Variants in SSBP4 observed in about 807,000 individuals in gnomAD.
The protein encoded by SSBP4 is single stranded DNA binding protein 4.
A neutral mutation model predicts 64.6 loss-of-function variants in SSBP4; 33 were observed. That is an observed-to-expected ratio of 0.51 (90% CI 0.39 to 0.68). The LOEUF is 0.68. Among genes scored for constraint, SSBP4 ranks in the 30% least tolerant of loss-of-function variants. The probability of loss-of-function intolerance (pLI) is 0.00; values close to 1 mark genes in which losing one functional copy is unlikely to be tolerated. For missense variants in SSBP4, 583 were observed against 566.8 expected (o/e 1.03, Z -0.29); for synonymous variants, 243 against 224.0 (o/e 1.08, Z -0.76).
intron 1 of SSBP4, among the ~76,000 whole-genome samples, chr19:18,421,226 G>A (rs1271469718): frequency 6.6e-6 from 1 of 152,250 alleles, no homozygotes; most frequent in Non-Finnish European, 1.5e-5. Context: ...CTAGAAGGTG[G>A]TAGGCAAATG....
upstream of SSBP4, chr19:18,419,347 G>C: frequency 9.8e-7 from 1 of 1,018,248 alleles, no homozygotes; most frequent in Non-Finnish European, 1.2e-6. Flanking sequence ...GCCCGCGGGC[G>C]GCGTAGAGGC....
chr19:18,433,392 C>A, intron 15 of SSBP4, 179 bp downstream of exon 15: 1 of 1,268,954 alleles, frequency 7.9e-7, no homozygotes, highest in Non-Finnish European at 1.1e-6. Flanking sequence ...GCGACCAAAC[C>A]AGAGGATGCA....
Position 18,427,242 on chromosome 19 carries a change from G to C in SSBP4, c.60-109G>C. On this transcript the variant is annotated intron_variant, in intron 1 of 17. Coordinates refer to ENST00000270061, the MANE Select transcript of SSBP4 (RefSeq NM_032627.5). The surrounding 1 kb of genome is among the most constrained non-coding windows in gnomAD (Gnocchi z 4.4). ...AACTATGAGCTGTCCCTGCTGAGCA[G>C]CTGGTGGGGAGGCCACCTTTCCACC... The C allele has an allele frequency of 9.1e-7, 1 of 1,100,794 alleles. No individual in the cohort carries two copies. 68.2% of individuals were successfully genotyped at this position (1,100,794 alleles called of 1,614,324 possible).
At chr19:18,404,028 CAGAG>C in the SSBP4 span, among the ~76,000 whole-genome samples, 2 of 151,728 alleles carry the variant, frequency 1.3e-5, no homozygotes, top group Non-Finnish European at 2.9e-5. Context: ...TGGCCCCAGA[CAGAG>C]AGACACCAGC....
rs150017206 is a variant in SSBP4, at chr19:18,427,387, C to T, written c.96C>T (p.Ile32=). Residue 32 remains isoleucine (I), a synonymous_variant, in exon 2 of 18, where the codon ATC becomes ATT. Transcript: ENST00000270061. This position sits in a 1 kb window ranked among gnomAD's most constrained non-coding sequence, Gnocchi z 4.4. ...ALYVYEYLLH[I]GAQKSAQTFL... is the part of the protein sequence containing the mutation. ...ACGTTTATGAGTACCTGCTGCACAT[C>T]GGTGCCCAGAAGTCAGCCCAGACCT... is the stretch of plus-strand genomic sequence containing the variant. The T allele has an allele frequency of 1.4e-5, 22 of 1,610,866 alleles. No homozygotes were observed. In the African/African-American group the frequency reaches 1.5e-4, roughly 11 times the overall value.
chr19:18,412,263 C>G, the SSBP4 span, among the ~76,000 whole-genome samples: 2 of 151,790 alleles, frequency 1.3e-5, no homozygotes, highest in Non-Finnish European at 2.9e-5. Context: ...GAGGTCAAGA[C>G]CAGCCTGGCC....
rs1440993323 is a variant in SSBP4, at chr19:18,434,383, CGAAA to C, written c.*140_*143del. 6.3e-6 allele frequency: 9 copies of C among 1,419,740 alleles called. No individual in the cohort carries two copies. The highest frequency in any genetic ancestry group is 8.3e-6 in the Non-Finnish European group (9 of 1,078,252). 87.9% of individuals were successfully genotyped at this position (1,419,740 alleles called of 1,614,324 possible). On this transcript the variant is annotated 3_prime_UTR_variant, in exon 18 of 18. Transcript: ENST00000270061. The stretch of plus-strand genomic sequence containing the variant: ...GCTTGCCCAGCTGGGAGGCCCCACA[CGAAA>C]GACTCTTACCATTTTATTAAAAACG...
At chr19:18,407,517 C>T in the SSBP4 span, among the ~76,000 whole-genome samples, 4 of 151,988 alleles carry the variant, frequency 2.6e-5, no homozygotes, top group African/African-American at 9.7e-5. Context: ...CCCGGGTTCA[C>T]GCCATTCTCC....
In SSBP4 at chr19:18,432,692, G is replaced by T; in HGVS notation, c.751-8G>T. On this transcript the variant is annotated splice_polypyrimidine_tract_variant and splice_region_variant and intron_variant, in intron 11 of 17. Coordinates refer to ENST00000270061, the MANE Select transcript of SSBP4 (RefSeq NM_032627.5). ...TGGCTGACTGCTCACAGCTGCCCTT[G>T]TCCCCAGATCCCCTACTCCTCCTCA... 1 of 1,569,484 alleles carries T rather than the reference G, an allele frequency of 6.4e-7. No individual in the cohort carries two copies. The highest frequency in any genetic ancestry group is 8.7e-7 in the Non-Finnish European group (1 of 1,153,564).
At chr19:18,408,181 A>T in the SSBP4 span, among the ~76,000 whole-genome samples, 4 of 152,240 alleles carry the variant, frequency 2.6e-5, no homozygotes, top group Non-Finnish European at 4.4e-5. Context: ...GCTGACAGTG[A>T]CGCTGACCAC....
chr19:18,427,299 TG>T lies in SSBP4; in HGVS notation c.60-49del. 1.3e-6 allele frequency: 2 copies of T among 1,587,248 alleles called. No homozygotes were observed. Among genetic ancestry groups the T allele is most frequent in the Non-Finnish European group, 1.7e-6 (2 of 1,167,536 alleles). On this transcript the variant is annotated intron_variant, in intron 1 of 17. Transcript: ENST00000270061. The surrounding 1 kb of genome is among the most constrained non-coding windows in gnomAD (Gnocchi z 4.4). Reference sequence around the variant, plus strand: ...CCTGAGAGATGGAGGGGCTTTGGGGTGGGCCCTTGCCTTGGAGAGTCTGAGC... The same window carrying T: ...CCTGAGAGATGGAGGGGCTTTGGGGTGGCCCTTGCCTTGGAGAGTCTGAGC...
intron 4 of SSBP4, among the ~76,000 whole-genome samples, chr19:18,430,013 C>G (rs1303474131): frequency 6.6e-6 from 1 of 152,172 alleles, no homozygotes; most frequent in African/African-American, 2.4e-5. Flanking sequence ...TCTCTGAGCC[C>G]AAGTGGCTGT....
chr19:18,403,764 A>G, the SSBP4 span, among the ~76,000 whole-genome samples: 1 of 150,254 alleles, frequency 6.7e-6, no homozygotes, highest in Admixed American at 6.6e-5. Flanking sequence ...GAGGTCTGGG[A>G]GTCTTGGGGT....
the SSBP4 span, among the ~76,000 whole-genome samples, chr19:18,411,957 A>G: frequency 2.0e-5 from 3 of 152,090 alleles, no homozygotes; most frequent in East Asian, 5.8e-4. Flanking sequence ...TGAGGCCAGG[A>G]GTTCGAGACC....
At chr19:18,430,737 G>T (rs1209829283) in intron 4 of SSBP4, 104 bp from the exon 5 acceptor site, 14 of 985,514 alleles carry the variant, frequency 1.4e-5, no homozygotes, top group Middle Eastern at 2.2e-4. Flanking sequence ...ATGCCAGCTC[G>T]CTGTCCCATG....
At chr19:18,433,867 G>GT (rs1555725819) in intron 17 of SSBP4, 50 bp downstream of exon 17, 2 of 1,326,936 alleles carry the variant, frequency 1.5e-6, no homozygotes, top group Admixed American at 4.1e-5. Flanking sequence ...GGCCGGAGGG[G>GT]CTGGCGGGCA....
upstream of SSBP4, among the ~76,000 whole-genome samples, chr19:18,415,306 C>A (rs1301999336): frequency 6.6e-6 from 1 of 152,202 alleles, no homozygotes; most frequent in East Asian, 1.9e-4. Context: ...GGGCCCCCCA[C>A]TTTAATGAGG....
At chr19:18,409,443 T>C in the SSBP4 span, among the ~76,000 whole-genome samples, 1 of 152,194 alleles carries the variant, frequency 6.6e-6, no homozygotes, top group Non-Finnish European at 1.5e-5. Context: ...TGCCTCGGCC[T>C]CCCAAAGTGT....
chr19:18,428,725 A>G (rs1040809565), intron 4 of SSBP4, among the ~76,000 whole-genome samples: 1 of 151,370 alleles, frequency 6.6e-6, no homozygotes, highest in Non-Finnish European at 1.5e-5. Flanking sequence ...AGGCCCCAGC[A>G]AGGCAGAGGC....
Sources: gnomAD v4.1 joint callset for allele counts (sites outside exome capture counted in the v4.1 genomes callset) on GRCh38, gnomAD v4.1.1 for gene constraint, Gnocchi (gnomAD v3.1) non-coding constraint, MANE v1.5 for transcripts, NCBI Gene and HGNC (gene_info 2026-07-23, HGNC 2026-07-21) for gene names.